The following SLC35A1 variants were observed in gnomAD, a reference collection of about 807,000 sequenced individuals.
SLC35A1 encodes solute carrier family 35 member A1, also known as CMP-sialic acid transporter.
In SLC35A1, 21 loss-of-function variants were observed where a neutral mutation model predicts 40.3. That is an observed-to-expected ratio of 0.52 (90% CI 0.37 to 0.75). The LOEUF (loss-of-function observed/expected upper bound fraction) is 0.75. SLC35A1 is among the 30% of genes least tolerant of loss of function. The pLI is 0.00. For missense variants in SLC35A1, 297 were observed against 382.1 expected (o/e 0.78, Z 1.86); for synonymous variants, 146 against 147.3 (o/e 0.99, Z 0.06).
At chr6:87,478,283 G>GTGGCTGCA (rs1769132311) in intron 2 of SLC35A1, among the ~76,000 whole-genome samples, 1 of 152,214 alleles carries the variant, frequency 6.6e-6, no homozygotes, top group Admixed American at 6.5e-5. Context: ...GACTGAGATT[G>GTGGCTGCA]TGGCTGCATA....
At chr6:87,484,168 G>A (rs760526261) in intron 2 of SLC35A1, among the ~76,000 whole-genome samples, 7 of 152,096 alleles carry the variant, frequency 4.6e-5, no homozygotes, top group Non-Finnish European at 7.4e-5. Flanking sequence ...TTTCTGTGTT[G>A]CTGAGAGCTC....
intron 2 of SLC35A1, among the ~76,000 whole-genome samples, chr6:87,491,386 G>A (rs1360811806): frequency 3.9e-5 from 6 of 152,150 alleles, no homozygotes; most frequent in African/African-American, 1.4e-4. Flanking sequence ...TAGGCTGAGG[G>A]AAATTTTAAT....
intron 2 of SLC35A1, among the ~76,000 whole-genome samples, chr6:87,486,649 G>T (rs957237513): frequency 2.0e-5 from 3 of 152,174 alleles, no homozygotes; most frequent in African/African-American, 7.2e-5. Context: ...CCTGCATTTG[G>T]ATTAAAGGGT....
At chr6:87,486,147 T>C (rs1769383204) in intron 2 of SLC35A1, among the ~76,000 whole-genome samples, 1 of 152,218 alleles carries the variant, frequency 6.6e-6, no homozygotes, top group South Asian at 2.1e-4. Flanking sequence ...TAGTATGGTC[T>C]CTGATGCTGT....
At chr6:87,499,735 A>G (rs1562024468) in intron 2 of SLC35A1, among the ~76,000 whole-genome samples, 1 of 151,892 alleles carries the variant, frequency 6.6e-6, no homozygotes, top group Non-Finnish European at 1.5e-5. Context: ...TCATTTATAA[A>G]TAATACTGAC....
chr6:87,491,475 G>C (rs2127969397), intron 2 of SLC35A1, among the ~76,000 whole-genome samples: 1 of 152,218 alleles, frequency 6.6e-6, no homozygotes, highest in East Asian at 1.9e-4. Context: ...TTCAAATTAT[G>C]AGTCTTTCAG....
At chr6:87,475,582 G>T (rs1158160116) in intron 1 of SLC35A1, among the ~76,000 whole-genome samples, 1 of 152,144 alleles carries the variant, frequency 6.6e-6, no homozygotes, top group African/African-American at 2.4e-5. Flanking sequence ...ACCTGATATG[G>T]TTTTTAAAAA....
At chr6:87,489,040 T>C (rs1280357843) in intron 2 of SLC35A1, among the ~76,000 whole-genome samples, 1 of 152,260 alleles carries the variant, frequency 6.6e-6, no homozygotes, top group African/African-American at 2.4e-5. Flanking sequence ...TTGCATGCCA[T>C]GAGGCATGGA....
chr6:87,488,797 A>G (rs1270835370), intron 2 of SLC35A1, among the ~76,000 whole-genome samples: 1 of 152,226 alleles, frequency 6.6e-6, no homozygotes, highest in Non-Finnish European at 1.5e-5. Context: ...AATTCATACA[A>G]TCTCTGACTA....
At chr6:87,501,858 A>G (rs556673078) in intron 4 of SLC35A1, among the ~76,000 whole-genome samples, 1 of 152,346 alleles carries the variant, frequency 6.6e-6, no homozygotes, top group African/African-American at 2.4e-5. Flanking sequence ...AGTTAATGTG[A>G]AGGTACATAA....
At chr6:87,510,113 T>C (rs1296375697) in intron 7 of SLC35A1, among the ~76,000 whole-genome samples, 2 of 152,214 alleles carry the variant, frequency 1.3e-5, no homozygotes, top group South Asian at 2.1e-4. Flanking sequence ...GGTGACACTT[T>C]CTTCATCTGT....
intron 2 of SLC35A1, among the ~76,000 whole-genome samples, chr6:87,480,397 C>T (rs939168377): frequency 2.0e-5 from 3 of 152,178 alleles, no homozygotes; most frequent in Non-Finnish European, 2.9e-5. Flanking sequence ...TCTAGCCTAC[C>T]GTGCACACAA....
chr6:87,490,497 C>A (rs1265425776), intron 2 of SLC35A1, among the ~76,000 whole-genome samples: 2 of 151,842 alleles, frequency 1.3e-5, no homozygotes, highest in African/African-American at 4.8e-5. Flanking sequence ...CCATGCCCAG[C>A]TAATTTTTGT....
In SLC35A1 at chr6:87,511,786, T is replaced by TAA. The variant is rs1369672462; in HGVS notation, c.*264_*265dup. The TAA allele has an allele frequency of 2.2e-6, 1 of 451,118 alleles. No individual in the cohort carries two copies. Among genetic ancestry groups the TAA allele is most frequent in the Non-Finnish European group, 4.1e-6 (1 of 244,974 alleles). 27.9% of individuals were successfully genotyped at this position (451,118 alleles called of 1,614,324 possible). Reference sequence around the variant, plus strand: ...ATTGTGTGTATATATAATTTGTAAATAAAAAGTATGGAGATGATACGGTGT... The same window carrying TAA: ...ATTGTGTGTATATATAATTTGTAAATAAAAAAAGTATGGAGATGATACGGTGT... On this transcript the variant is annotated 3_prime_UTR_variant, in exon 8 of 8. Coordinates refer to ENST00000369552, the MANE Select transcript of SLC35A1 (RefSeq NM_006416.5).
chr6:87,487,387 C>T (rs971303901), intron 2 of SLC35A1, among the ~76,000 whole-genome samples: 1 of 152,110 alleles, frequency 6.6e-6, no homozygotes, highest in African/African-American at 2.4e-5. Context: ...TGTAGGACTT[C>T]GTGATGGGTT....
intron 2 of SLC35A1, among the ~76,000 whole-genome samples, chr6:87,484,782 A>T (rs2284908): frequency 6.6e-5 from 10 of 151,912 alleles, no homozygotes; most frequent in Non-Finnish European, 1.5e-4. Context: ...GGTGCTTTAC[A>T]AAGAAGTTAA....
intron 5 of SLC35A1, among the ~76,000 whole-genome samples, chr6:87,507,863 C>G (rs1229158306): frequency 6.6e-6 from 1 of 152,046 alleles, no homozygotes; most frequent in East Asian, 1.9e-4. Context: ...AGTTCATGAT[C>G]CTTCTGACCT....
At chr6:87,481,788 C>CT (rs1426408719) in intron 2 of SLC35A1, among the ~76,000 whole-genome samples, 1 of 152,104 alleles carries the variant, frequency 6.6e-6, no homozygotes, top group Non-Finnish European at 1.5e-5. Flanking sequence ...ACCCATTGTG[C>CT]TTTTATTTTA....
At chr6:87,508,760 C>A in intron 6 of SLC35A1, 164 bp downstream of exon 6, 1 of 791,584 alleles carries the variant, frequency 1.3e-6, no homozygotes, top group Non-Finnish European at 2.0e-6. Flanking sequence ...ATTGTGAAGG[C>A]AAAATTGCTT....
Sources: allele counts gnomAD v4.1 joint callset (sites outside exome capture counted in the v4.1 genomes callset), GRCh38; gene constraint gnomAD v4.1.1; transcripts MANE v1.5; gene names NCBI Gene and HGNC (gene_info 2026-07-23, HGNC 2026-07-21).